Variants in ICA1 observed in about 807,000 individuals in gnomAD.
ICA1 encodes 69 kDa islet cell autoantigen.
In ICA1, 40 loss-of-function variants were observed where a neutral mutation model predicts 71.0. The observed-to-expected ratio is 0.56, with a 90% CI of 0.44 to 0.73. The LOEUF is 0.73. ICA1 is among the 30% of genes least tolerant of loss of function. The pLI is 0.00. For missense variants in ICA1, 578 were observed against 576.5 expected (o/e 1.00, Z -0.03); for synonymous variants, 207 against 209.5 (o/e 0.99, Z 0.10).
In ICA1 at chr7:8,113,982, G is replaced by A. The variant is rs771772715; in HGVS notation, c.1393C>T (p.Leu465Phe). ...WFSLFADLDP[L>F]SNPDAVGKTD... Reference sequence around the variant, plus strand: ...TTCCCAACAGCATCAGGATTTGAGAGTGGGTCGAGGTCAGCGAAGAGGCTG... The same window carrying A: ...TTCCCAACAGCATCAGGATTTGAGAATGGGTCGAGGTCAGCGAAGAGGCTG... Residue 465 changes from leucine to phenylalanine, a missense_variant, in exon 14 of 14, where the codon CTC becomes TTC. Coordinates refer to ENST00000402384, the MANE Select transcript of ICA1 (RefSeq NM_001136020.3). The surrounding 1 kb of genome is among the most constrained non-coding windows in gnomAD (Gnocchi z 4.2). 1 of 1,614,170 alleles carries A rather than the reference G, an allele frequency of 6.2e-7. No homozygotes were observed.
chr7:8,244,704 A>G (rs1805298161), intron 1 of ICA1, among the ~76,000 whole-genome samples: 1 of 152,264 alleles, frequency 6.6e-6, no homozygotes, highest in Non-Finnish European at 1.5e-5. Flanking sequence ...ATGTAAACAA[A>G]TTTACAAGAA....
rs183689975 is a variant in ICA1, at chr7:8,184,549, A to T, written c.580-25897T>A. On this transcript the variant is annotated intron_variant, in intron 6 of 13. Transcript: ENST00000402384. The stretch of plus-strand genomic sequence containing the variant: ...CCTCAGGGAATATATCACAATATAT[A>T]AATCACAAGATAGCTTTCTCTCTTC... Among the ~76,000 whole-genome samples the T allele has an allele frequency of 1.8e-4, 27 of 152,364 alleles. No homozygotes were observed. In the East Asian group the frequency reaches 5.2e-3, roughly 29 times the overall value.
At chr7:8,181,126 T>G (rs1387133739) in intron 6 of ICA1, among the ~76,000 whole-genome samples, 3 of 152,214 alleles carry the variant, frequency 2.0e-5, no homozygotes, top group African/African-American at 4.8e-5. Context: ...GACTTTTAAG[T>G]CTATGATCCA....
At chr7:8,153,987 A>G (rs1800606206) in intron 8 of ICA1, among the ~76,000 whole-genome samples, 1 of 151,728 alleles carries the variant, frequency 6.6e-6, no homozygotes, top group African/African-American at 2.4e-5. Flanking sequence ...TATAATTATC[A>G]GATTAAAATT....
intron 13 of ICA1, among the ~76,000 whole-genome samples, chr7:8,120,094 A>G (rs1194772599): frequency 6.6e-6 from 1 of 152,178 alleles, no homozygotes; most frequent in Admixed American, 6.5e-5. Flanking sequence ...GCCTGAAGAT[A>G]TCCCCTCTTT....
At chr7:8,118,126 C>T (rs1207669318) in intron 13 of ICA1, among the ~76,000 whole-genome samples, 1 of 152,098 alleles carries the variant, frequency 6.6e-6, no homozygotes, top group African/African-American at 2.4e-5. Flanking sequence ...CAAAGCAGTA[C>T]CTGGCACATA....
intron 6 of ICA1, among the ~76,000 whole-genome samples, chr7:8,161,913 C>T (rs12666666): frequency 0.034 from 5,188 of 152,262 alleles, 146 homozygotes; most frequent in South Asian, 0.13. Context: ...TTATAGACAA[C>T]TGATATAAAC....
intron 6 of ICA1, among the ~76,000 whole-genome samples, chr7:8,216,704 G>C (rs946610739): frequency 1.3e-5 from 2 of 152,140 alleles, no homozygotes; most frequent in African/African-American, 4.8e-5. Context: ...TCACAAGAGA[G>C]GAATTAGTAT....
chr7:8,148,104 C>T (rs1797658512), intron 8 of ICA1, among the ~76,000 whole-genome samples: 1 of 152,144 alleles, frequency 6.6e-6, no homozygotes, highest in South Asian at 2.1e-4. Flanking sequence ...GATAGGCTCC[C>T]ACCATCCACC....
At chr7:8,133,160 A>G (rs1427524778) in intron 12 of ICA1, among the ~76,000 whole-genome samples, 5 of 152,186 alleles carry the variant, frequency 3.3e-5, no homozygotes, top group Admixed American at 2.0e-4. Flanking sequence ...CTGAGGGAGC[A>G]CATTCGGCCC....
intron 13 of ICA1, among the ~76,000 whole-genome samples, chr7:8,124,812 T>G (rs1788519897): frequency 1.3e-5 from 2 of 150,094 alleles, no homozygotes; most frequent in South Asian, 4.2e-4. Context: ...AGAGACAGAG[T>G]CTCCCTCACT....
At chr7:8,121,598 G>T (rs1181687572) in intron 13 of ICA1, among the ~76,000 whole-genome samples, 2 of 152,240 alleles carry the variant, frequency 1.3e-5, no homozygotes, top group African/African-American at 4.8e-5. Flanking sequence ...GTTACCAGAG[G>T]CTGGAAAGGG....
rs1018552762 is a variant in ICA1 at position 8,113,846 on chromosome 7, G to T, written c.*77C>A. 1.4e-6 allele frequency: 2 copies of T among 1,480,542 alleles called. No individual in the cohort carries two copies. The highest frequency in any genetic ancestry group is 9.4e-7 in the Non-Finnish European group (1 of 1,060,994). 91.7% of individuals were successfully genotyped at this position (1,480,542 alleles called of 1,614,324 possible). On this transcript the variant is annotated 3_prime_UTR_variant, in exon 14 of 14. Coordinates refer to ENST00000402384, the MANE Select transcript of ICA1 (RefSeq NM_001136020.3). This position sits in a 1 kb window ranked among gnomAD's most constrained non-coding sequence, Gnocchi z 4.2. Reference sequence around the variant, plus strand: ...CACATAATTATTAAAACAGCATACTGATCACTTTATACTTCTGCTAGCCCC... The same window carrying T: ...CACATAATTATTAAAACAGCATACTTATCACTTTATACTTCTGCTAGCCCC...
At chr7:8,137,378 C>T (rs1265633849) in intron 12 of ICA1, among the ~76,000 whole-genome samples, 3 of 152,108 alleles carry the variant, frequency 2.0e-5, no homozygotes, top group Non-Finnish European at 2.9e-5. Context: ...AGTTAAAGCA[C>T]GTGAAGGATT....
chr7:8,172,387 G>A (rs139991728), intron 6 of ICA1, among the ~76,000 whole-genome samples: 65 of 152,106 alleles, frequency 4.3e-4, no homozygotes, highest in African/African-American at 1.5e-3. Flanking sequence ...TATGAATAAA[G>A]CCACTTCAGA....
chr7:8,218,665 C>A lies in ICA1; in HGVS notation c.381-162G>T, dbSNP rs563992882. ...ATAATAATCGAAATGCATGTAGTTC[C>A]AACTGATTAGTCAGCCAGAGAAGAT... On this transcript the variant is annotated intron_variant, in intron 5 of 13. Transcript: ENST00000402384. The A allele has an allele frequency of 1.7e-5, 11 of 647,106 alleles. No homozygotes were observed. In the East Asian group the frequency reaches 3.0e-4, roughly 18 times the overall value. The allele number at this position is 647,106 out of a possible 1,614,324, so 40.1% of individuals were successfully genotyped here. A position where few individuals can be genotyped will look rare whatever the true frequency, so the allele number is the denominator to read the frequency against.
intron 1 of ICA1, among the ~76,000 whole-genome samples, chr7:8,259,562 C>T (rs1356336765): frequency 6.6e-6 from 1 of 152,196 alleles, no homozygotes; most frequent in African/African-American, 2.4e-5. Flanking sequence ...TTTATTACTA[C>T]TGAGTGAGTC....
At chr7:8,137,711 G>T (rs1456822707) in intron 12 of ICA1, among the ~76,000 whole-genome samples, 2 of 152,210 alleles carry the variant, frequency 1.3e-5, no homozygotes, top group Non-Finnish European at 2.9e-5. Flanking sequence ...TGCATAGTAT[G>T]CTACCTGTCG....
At position 8,164,295 on chromosome 7, in the gene ICA1, C is replaced by T. The variant is rs1805032357; in HGVS notation, c.580-5643G>A. Among the ~76,000 whole-genome samples the T allele has an allele frequency of 2.9e-5, 3 of 105,216 alleles. 1 individual carries two copies. In the South Asian group the frequency reaches 9.9e-4, roughly 35 times the overall value. The allele number at this position is 105,216 out of a possible 152,430, so 69.0% of individuals were successfully genotyped here. A position where few individuals can be genotyped will look rare whatever the true frequency, so the allele number is the denominator to read the frequency against. ...CTCCAGCCTGGGCGACCGAGCGAGA[C>T]TCCGTCTCAAAAAAAAAAAAAAAAA... is the stretch of plus-strand genomic sequence containing the variant. On this transcript the variant is annotated intron_variant, in intron 6 of 13. Transcript: ENST00000402384.
Sources: gnomAD v4.1 joint callset for allele counts (sites outside exome capture counted in the v4.1 genomes callset) on GRCh38, gnomAD v4.1.1 for gene constraint, Gnocchi (gnomAD v3.1) non-coding constraint, MANE v1.5 for transcripts, NCBI Gene and HGNC (gene_info 2026-07-23, HGNC 2026-07-21) for gene names.